Variants in NCF4 observed in about 807,000 individuals in gnomAD.
NCF4 encodes the protein neutrophil cytosolic factor 4, also known as neutrophil cytosol factor 4.
In NCF4, 30 loss-of-function variants were observed where a neutral mutation model predicts 41.7. The ratio of observed to expected loss-of-function variants is 0.72; its 90% CI spans 0.54 to 0.97. NCF4 has a LOEUF of 0.97. NCF4 is among the 50% of genes least tolerant of loss of function. The pLI, the probability that NCF4 is intolerant of heterozygous loss-of-function variation, is 0.00. For missense variants in NCF4, 432 were observed against 460.9 expected, an observed-to-expected ratio of 0.94 and a Z score of 0.57; for synonymous variants, 195 against 175.8, an observed-to-expected ratio of 1.11 and a Z score of -0.87.
chr22:36,862,654 C>A (rs1412166876), intron 1 of NCF4, among the ~76,000 whole-genome samples: 2 of 152,180 alleles, frequency 1.3e-5, no homozygotes, highest in African/African-American at 2.4e-5. Flanking sequence ...GTACTAGGGG[C>A]ATGGGGGCTC....
intron 9 of NCF4, among the ~76,000 whole-genome samples, chr22:36,877,250 C>T (rs903079013): frequency 1.3e-5 from 2 of 152,134 alleles, no homozygotes; most frequent in South Asian, 4.1e-4. Context: ...GATTCTCCTG[C>T]CTCAGCCTCC....
chr22:36,862,338 G>C (rs1402976222), intron 1 of NCF4, among the ~76,000 whole-genome samples: 1 of 152,212 alleles, frequency 6.6e-6, no homozygotes, highest in Non-Finnish European at 1.5e-5. Flanking sequence ...AATGCCTACA[G>C]GGGAGTCCAC....
At chr22:36,867,350 T>C (rs368967179) in intron 3 of NCF4, 42 bp from the exon 4 acceptor site, 4 of 1,611,230 alleles carry the variant, frequency 2.5e-6, no homozygotes, top group Non-Finnish European at 3.4e-6. Context: ...CCCGGGGCCA[T>C]GTTGGGCCAG....
intron 4 of NCF4, among the ~76,000 whole-genome samples, chr22:36,869,168 C>G (rs1453864032): frequency 6.6e-6 from 1 of 152,176 alleles, no homozygotes; most frequent in Non-Finnish European, 1.5e-5. Context: ...TTTGAATTCA[C>G]ATCTCTGTGA....
Position 36,864,897 on chromosome 22 carries a change from CCA to C in NCF4, c.118-19_118-18del. On this transcript the variant is annotated intron_variant, in intron 2 of 9. Coordinates refer to ENST00000248899, the MANE Select transcript of NCF4 (RefSeq NM_000631.5). Reference sequence around the variant, plus strand: ...TGTGCTCCTGGCCCCTGAGCCCTCCCCACAACCTCTGTCCTCCTTAGGTTTTC... The same window carrying C: ...TGTGCTCCTGGCCCCTGAGCCCTCCCCAACCTCTGTCCTCCTTAGGTTTTC... The C allele has an allele frequency of 6.2e-7, 1 of 1,613,896 alleles. No homozygotes were observed. Among genetic ancestry groups the C allele is most frequent in the Non-Finnish European group, 8.5e-7 (1 of 1,179,968 alleles).
At chr22:36,870,020 T>C (rs920309525) in intron 4 of NCF4, 2 of 330,236 alleles carry the variant, frequency 6.1e-6, no homozygotes, top group Admixed American at 8.5e-5. Flanking sequence ...GCCTTGAGCA[T>C]ATCCCTTCAC....
intron 1 of NCF4, among the ~76,000 whole-genome samples, chr22:36,862,521 T>G (rs949513540): frequency 2.6e-5 from 4 of 152,074 alleles, no homozygotes; most frequent in African/African-American, 4.8e-5. Flanking sequence ...GGTACAGGGT[T>G]CAGGGGATGA....
intron 4 of NCF4, among the ~76,000 whole-genome samples, chr22:36,867,776 G>T (rs1186736134): frequency 1.3e-5 from 2 of 152,222 alleles, no homozygotes; most frequent in African/African-American, 4.8e-5. Context: ...ATTCCATCCA[G>T]TGTCTGCCCC....
At chr22:36,861,308 G>A in intron 1 of NCF4, 105 bp downstream of exon 1, 1 of 1,414,700 alleles carries the variant, frequency 7.1e-7, no homozygotes, top group Non-Finnish European at 9.8e-7. Context: ...TGAGAGGCTG[G>A]GGTTGAGTCA....
intron 2 of NCF4, among the ~76,000 whole-genome samples, 190 bp from the exon 3 acceptor site, chr22:36,864,729 T>C (rs1387299380): frequency 6.6e-6 from 1 of 152,066 alleles, no homozygotes; most frequent in Non-Finnish European, 1.5e-5. Context: ...CTTTTCTTTT[T>C]TTTTCGCAAA....
chr22:36,867,442 G>A lies in NCF4; in HGVS notation c.322G>A (p.Ala108Thr). 6.2e-7 allele frequency: 1 copy of A among 1,614,178 alleles called. No individual in the cohort carries two copies. ...GGAGATCGCCGAGATGCGGATACCT[G>A]CCCTCAACGCCTACATGAAGGTACC... The part of the protein sequence containing the change: ...KQEIAEMRIP[A>T]LNAYMKSLLS... The change falls in exon 4 of 10, where the codon GCC becomes ACC. Residue 108 changes from alanine (A) to threonine (T), a missense_variant. Physicochemically the swap from Ala to Thr is moderately conservative, Grantham distance 58. Coordinates refer to ENST00000248899, the MANE Select transcript of NCF4 (RefSeq NM_000631.5).
chr22:36,863,828 G>A (rs1433664216), intron 1 of NCF4, among the ~76,000 whole-genome samples: 1 of 151,718 alleles, frequency 6.6e-6, no homozygotes, highest in Non-Finnish European at 1.5e-5. Context: ...CACTCAGTAT[G>A]GCCGCCAGCT....
chr22:36,871,573 G>T (rs1940055137), intron 5 of NCF4, 79 bp from the exon 6 acceptor site: 1 of 1,454,498 alleles, frequency 6.9e-7, no homozygotes, highest in Non-Finnish European at 9.4e-7. Context: ...CCTTGCAAGG[G>T]GCTCCTCTGG....
intron 5 of NCF4, 118 bp downstream of exon 5, chr22:36,870,660 T>C (rs947308864): frequency 8.0e-6 from 11 of 1,373,096 alleles, no homozygotes; most frequent in African/African-American, 2.9e-5. Flanking sequence ...CCCTGGACAC[T>C]CCAGGATGAT....
Position 36,877,900 on chromosome 22 carries a change from A to G in NCF4, c.*77A>G. The G allele has an allele frequency of 6.9e-7, 1 of 1,443,278 alleles. No individual in the cohort carries two copies. The highest frequency in any genetic ancestry group is 9.5e-7 in the Non-Finnish European group (1 of 1,053,952). 89.4% of individuals were successfully genotyped at this position (1,443,278 alleles called of 1,614,324 possible). On this transcript the variant is annotated 3_prime_UTR_variant, in exon 10 of 10. Transcript: ENST00000248899. Reference sequence around the variant, plus strand: ...CTCAGAGGAGATTGGGACCAGGAAAACCTGGGAGGATGGGCAGACTTCCTG... The same window carrying G: ...CTCAGAGGAGATTGGGACCAGGAAAGCCTGGGAGGATGGGCAGACTTCCTG...
At position 36,870,459 on chromosome 22, in the gene NCF4, C is replaced by A. The variant is rs1940027529; in HGVS notation, c.387C>A (p.Val129=). 1 of 1,613,880 alleles carries A rather than the reference C, an allele frequency of 6.2e-7. No homozygotes were observed. The highest frequency in any genetic ancestry group is 1.7e-5 in the Admixed American group (1 of 59,992). ...TCTGGGTGCTGATGGATGAGGACGTCCGGATCTTCTTTTACCAGTCGCCCT... is the reference window on the plus strand; with the variant it reads ...TCTGGGTGCTGATGGATGAGGACGTACGGATCTTCTTTTACCAGTCGCCCT... ...LPVWVLMDED[V]RIFFYQSPYD... The change falls in exon 5 of 10, where the codon GTC becomes GTA. Residue 129 remains valine, a synonymous_variant. Transcript: ENST00000248899.
chr22:36,875,198 T>C (rs886503802), intron 7 of NCF4, among the ~76,000 whole-genome samples: 2 of 151,908 alleles, frequency 1.3e-5, no homozygotes, highest in Non-Finnish European at 2.9e-5. Flanking sequence ...CTTGGCTAAT[T>C]TGTATATGTT....
At chr22:36,874,690 G>A (rs1203969122) in intron 7 of NCF4, among the ~76,000 whole-genome samples, 1 of 152,228 alleles carries the variant, frequency 6.6e-6, no homozygotes, top group African/African-American at 2.4e-5. Flanking sequence ...TAATATGTTT[G>A]TAAAATGGCA....
At position 36,877,882 on chromosome 22, in the gene NCF4, G is replaced by A; in HGVS notation, c.*59G>A. On this transcript the variant is annotated 3_prime_UTR_variant, in exon 10 of 10. Coordinates refer to ENST00000248899, the MANE Select transcript of NCF4 (RefSeq NM_000631.5). ...CAGCAAAAACCTTCAGCTCTCAGAG[G>A]AGATTGGGACCAGGAAAACCTGGGA... The A allele has an allele frequency of 1.3e-6, 2 of 1,529,634 alleles. No homozygotes were observed. The highest frequency in any genetic ancestry group is 2.4e-5 in the South Asian group (2 of 84,982). 94.8% of individuals were successfully genotyped at this position (1,529,634 alleles called of 1,614,324 possible). A position where few individuals can be genotyped will look rare whatever the true frequency, so the allele number is the denominator to read the frequency against.
Sources: gnomAD v4.1 joint callset for allele counts (sites outside exome capture counted in the v4.1 genomes callset) on GRCh38, gnomAD v4.1.1 for gene constraint, MANE v1.5 for transcripts, NCBI Gene and HGNC (gene_info 2026-07-23, HGNC 2026-07-21) for gene names.